The following SHC3 variants were observed in gnomAD, a reference collection of about 807,000 sequenced individuals.
SHC3 encodes SHC adaptor protein 3.
In SHC3, 15 loss-of-function variants were observed where a neutral mutation model predicts 60.4. The observed-to-expected ratio is 0.25, with a 90% confidence interval of 0.17 to 0.38. The LOEUF is 0.38. Among genes scored for constraint, SHC3 ranks in the 10% least tolerant of loss-of-function variants. The pLI is 1.00. For synonymous variants in SHC3, 294 were observed against 325.9 expected, an observed-to-expected ratio of 0.90 and a Z score of 1.05; for missense variants, 677 against 786.1, an observed-to-expected ratio of 0.86 and a Z score of 1.66.
chr9:89,094,618 T>C (rs1472602105), intron 2 of SHC3, among the ~76,000 whole-genome samples: 1 of 152,202 alleles, frequency 6.6e-6, no homozygotes, highest in African/African-American at 2.4e-5. Context: ...ATCATTATGA[T>C]TTCCTTTTCA....
At chr9:89,114,150 A>C (rs549592128) in intron 1 of SHC3, among the ~76,000 whole-genome samples, 8 of 152,306 alleles carry the variant, frequency 5.3e-5, no homozygotes, top group Non-Finnish European at 7.4e-5. Flanking sequence ...CGGGAATACC[A>C]CCACCACCAT....
chr9:89,072,864 T>G (rs773958531), intron 4 of SHC3, among the ~76,000 whole-genome samples: 1 of 152,170 alleles, frequency 6.6e-6, no homozygotes, highest in African/African-American at 2.4e-5. Flanking sequence ...CCTGTAAAAC[T>G]TGAAATAAAA....
chr9:89,149,545 T>G (rs1236781716), intron 1 of SHC3, among the ~76,000 whole-genome samples: 1 of 152,126 alleles, frequency 6.6e-6, no homozygotes, highest in Non-Finnish European at 1.5e-5. Context: ...TTTCCTCCCC[T>G]CTTCATCTGG....
intron 6 of SHC3, among the ~76,000 whole-genome samples, chr9:89,054,305 A>C (rs572048294): frequency 6.6e-6 from 1 of 152,244 alleles, no homozygotes; most frequent in South Asian, 2.1e-4. Flanking sequence ...TTGTGAGTAG[A>C]CCCATGGACT....
At chr9:89,125,425 C>T (rs1007042991) in intron 1 of SHC3, among the ~76,000 whole-genome samples, 3 of 151,646 alleles carry the variant, frequency 2.0e-5, no homozygotes, top group Non-Finnish European at 2.9e-5. Context: ...GTGTCTACTT[C>T]CTGGATTTAT....
chr9:89,088,538 A>G (rs932477479), intron 2 of SHC3: 1 of 152,250 alleles, frequency 6.6e-6, no homozygotes, highest in African/African-American at 2.4e-5. Context: ...CAAAAAGATG[A>G]AAAACACAGA....
At chr9:89,118,587 C>A (rs532683089) in intron 1 of SHC3, among the ~76,000 whole-genome samples, 1 of 149,758 alleles carries the variant, frequency 6.7e-6, no homozygotes, top group African/African-American at 2.5e-5. Flanking sequence ...TTCAGACACA[C>A]AGATCAAGAG....
intron 9 of SHC3, among the ~76,000 whole-genome samples, chr9:89,043,198 G>C (rs879631855): frequency 1.3e-5 from 2 of 152,310 alleles, no homozygotes; most frequent in Middle Eastern, 3.4e-3. Flanking sequence ...CCTGTGGCTG[G>C]ACATTTGCCA....
At position 89,061,166 on chromosome 9, in the gene SHC3, C is replaced by T. The variant is rs529463560; in HGVS notation, c.835+4363G>A. Reference sequence around the variant, plus strand: ...GGAAACATCCAACCATCAGAAAATTCACCTCCTGCCACAGTGTCATTCGAT... The same window carrying T: ...GGAAACATCCAACCATCAGAAAATTTACCTCCTGCCACAGTGTCATTCGAT... On this transcript the variant is annotated intron_variant, in intron 6 of 11. Transcript: ENST00000375835. 6.6e-5 allele frequency among the ~76,000 whole-genome samples: 10 copies of T among 152,290 alleles called. No individual in the cohort carries two copies. The East Asian group carries it at 1.5e-3, about 23-fold the overall frequency.
At chr9:89,054,585 C>G (rs1352640932) in intron 6 of SHC3, among the ~76,000 whole-genome samples, 1 of 152,198 alleles carries the variant, frequency 6.6e-6, no homozygotes, top group Non-Finnish European at 1.5e-5. Flanking sequence ...TGAGGCCTTC[C>G]CCAAAGGCAG....
At chr9:89,159,452 T>C (rs1826672617) in intron 1 of SHC3, among the ~76,000 whole-genome samples, 1 of 152,182 alleles carries the variant, frequency 6.6e-6, no homozygotes, top group South Asian at 2.1e-4. Flanking sequence ...CTTTAGCTAC[T>C]TCAAGGACTG....
intron 7 of SHC3, among the ~76,000 whole-genome samples, chr9:89,048,676 A>T (rs1824812529): frequency 6.6e-6 from 1 of 152,236 alleles, no homozygotes; most frequent in Non-Finnish European, 1.5e-5. Context: ...CAATTTTAAA[A>T]ATAATAATAA....
At chr9:89,069,763 G>A (rs769119844) in intron 5 of SHC3, among the ~76,000 whole-genome samples, 1 of 152,270 alleles carries the variant, frequency 6.6e-6, no homozygotes, top group Non-Finnish European at 1.5e-5. Flanking sequence ...TCTGGCAGCT[G>A]CCACAGCAGG....
chr9:89,102,735 T>C (rs553180061), intron 2 of SHC3, among the ~76,000 whole-genome samples: 1 of 152,340 alleles, frequency 6.6e-6, no homozygotes, highest in South Asian at 2.1e-4. Flanking sequence ...CATTATACCA[T>C]TGGTGAGAAA....
At chr9:89,164,338 T>C (rs964819986) in intron 1 of SHC3, among the ~76,000 whole-genome samples, 37 of 152,144 alleles carry the variant, frequency 2.4e-4, no homozygotes, top group African/African-American at 8.2e-4. Flanking sequence ...TGTTTGCTTA[T>C]GTGAGCTGAG....
chr9:89,013,491 C>T lies in SHC3; in HGVS notation c.1741G>A (p.Gly581Arg). 1 of 1,613,980 alleles carries T rather than the reference C, an allele frequency of 6.2e-7. No homozygotes were observed. The highest frequency in any genetic ancestry group is 2.2e-5 in the East Asian group (1 of 44,874). ...GGCTGCTGGAGACACAGCTCACTCC[C>T]TGCAGAGACAATGGGCAGGCTGCTT... ...LESSLPIVSA[G>R]SELCLQQPVE... Residue 581 changes from glycine (G) to arginine (R), a missense_variant, in exon 12 of 12, where the codon GGG (glycine) becomes AGG (arginine). Gly to Arg is a moderately radical substitution (Grantham distance 125). Transcript: ENST00000375835.
At chr9:89,106,979 G>A (rs1016059884) in intron 2 of SHC3, among the ~76,000 whole-genome samples, 5 of 152,174 alleles carry the variant, frequency 3.3e-5, no homozygotes, top group African/African-American at 4.8e-5. Context: ...GTGTTCTAAC[G>A]GCAGGAAGGC....
At chr9:89,128,651 C>T (rs1052250299) in intron 1 of SHC3, among the ~76,000 whole-genome samples, 2 of 152,170 alleles carry the variant, frequency 1.3e-5, no homozygotes, top group Admixed American at 6.5e-5. Context: ...CTGGAGTGGA[C>T]CTCCAGCAAA....
chr9:89,050,017 A>T (rs1413873623), intron 7 of SHC3, among the ~76,000 whole-genome samples: 3 of 152,166 alleles, frequency 2.0e-5, no homozygotes, highest in Non-Finnish European at 1.5e-5. Context: ...TTCTTTTATC[A>T]ATTACATGCT....
Sources: allele counts gnomAD v4.1 joint callset (sites outside exome capture counted in the v4.1 genomes callset), GRCh38; gene constraint gnomAD v4.1.1; transcripts MANE v1.5; gene names NCBI Gene and HGNC (gene_info 2026-07-23, HGNC 2026-07-21).